Variants in SP140 observed in about 807,000 individuals in gnomAD.
SP140 encodes the protein SP140 nuclear body protein, also known as nuclear body protein SP140.
SP140 carries 81 observed loss-of-function variants against 125.0 expected under a neutral mutation model. The ratio of observed to expected loss-of-function variants is 0.65; its 90% CI spans 0.54 to 0.78. The LOEUF is 0.78. Among genes scored for constraint, SP140 ranks in the 30% least tolerant of loss-of-function variants. The pLI is 0.00. For synonymous variants in SP140, 312 were observed against 354.0 expected, an observed-to-expected ratio of 0.88 and a Z score of 1.33; for missense variants, 858 against 1,037.0, an observed-to-expected ratio of 0.83 and a Z score of 2.37.
At chr2:230,236,422 G>T (rs1193326996) in intron 1 of SP140, among the ~76,000 whole-genome samples, 6 of 152,172 alleles carry the variant, frequency 3.9e-5, no homozygotes, top group Non-Finnish European at 8.8e-5. Context: ...GAACCAATAG[G>T]ATGTGTATAT....
chr2:230,312,132 G>A lies in SP140; in HGVS notation c.2506-454G>A, dbSNP rs2860674. ...ACTGAAATAAGCAACCAAAGGCAAA[G>A]AAGTAATAATCCCAGCTGTGGAAAT... On this transcript the variant is annotated intron_variant, in intron 26 of 26. Coordinates refer to ENST00000392045, the MANE Select transcript of SP140 (RefSeq NM_007237.5). Among the ~76,000 whole-genome samples the A allele has an allele frequency of 1.4e-3, 208 of 152,312 alleles. 1 individual carries two copies. The highest frequency in any genetic ancestry group is 2.6e-3 in the Non-Finnish European group (177 of 68,010).
chr2:230,310,378 C>G (rs2059227304), intron 23 of SP140: 2 of 489,842 alleles, frequency 4.1e-6, no homozygotes, highest in Non-Finnish European at 7.4e-6. Flanking sequence ...TCATACAAGA[C>G]AGGAAGCACG....
intron 1 of SP140, chr2:230,209,784 G>A (rs1168824199): frequency 1.4e-6 from 1 of 702,140 alleles, no homozygotes; most frequent in East Asian, 2.5e-5. Flanking sequence ...TTTGGAAGAT[G>A]CAGCAAATGG....
At chr2:230,312,173 C>T (rs1339545286) in intron 26 of SP140, among the ~76,000 whole-genome samples, 2 of 152,192 alleles carry the variant, frequency 1.3e-5, no homozygotes, top group East Asian at 1.9e-4. Flanking sequence ...CACTTTTCTG[C>T]CCTGTTAATA....
chr2:230,235,601 T>C (rs1402401210), intron 1 of SP140, among the ~76,000 whole-genome samples: 1 of 152,196 alleles, frequency 6.6e-6, no homozygotes, highest in Non-Finnish European at 1.5e-5. Context: ...CCAATGACCA[T>C]TTCCTGGTGG....
At chr2:230,201,754 T>C (rs2043203631), upstream of SP140, among the ~76,000 whole-genome samples, 1 of 152,210 alleles carries the variant, frequency 6.6e-6, no homozygotes, top group Admixed American at 6.5e-5. Flanking sequence ...AATCTTGCAT[T>C]AGTAGAAGGT....
intron 22 of SP140, among the ~76,000 whole-genome samples, chr2:230,308,020 GACACAC>G (rs1211502170): frequency 9.1e-6 from 1 of 110,094 alleles, no homozygotes; most frequent in Admixed American, 9.1e-5. Flanking sequence ...CACACACAGA[GACACAC>G]ACACACACAC....
At chr2:230,236,184 A>G (rs1459230160) in intron 1 of SP140, among the ~76,000 whole-genome samples, 2 of 152,060 alleles carry the variant, frequency 1.3e-5, no homozygotes, top group Non-Finnish European at 2.9e-5. Flanking sequence ...CTTCTTGTGT[A>G]TTCTTAATCA....
chr2:230,266,317 T>C (rs2053119263), intron 12 of SP140, among the ~76,000 whole-genome samples: 1 of 152,226 alleles, frequency 6.6e-6, no homozygotes, highest in African/African-American at 2.4e-5. Context: ...TGTCCATTTT[T>C]GCCCAACTCA....
At chr2:230,287,754 G>T in intron 17 of SP140, 138 bp from the exon 18 acceptor site, 1 of 630,046 alleles carries the variant, frequency 1.6e-6, no homozygotes, top group East Asian at 3.0e-5. Flanking sequence ...TACCTTAAAG[G>T]CTAGGGTTTA....
chr2:230,284,316 A>C, intron 15 of SP140, 30 bp from the exon 16 acceptor site: 1 of 1,574,234 alleles, frequency 6.4e-7, no homozygotes, highest in South Asian at 1.1e-5. Context: ...ATACCTCTGC[A>C]TAATTAACTT....
intron 23 of SP140, chr2:230,310,273 C>A (rs572423241): frequency 1.2e-4 from 66 of 545,360 alleles, no homozygotes; most frequent in African/African-American, 9.8e-4. Context: ...GTGTTGGGGA[C>A]CTTTGCCTAC....
intron 12 of SP140, among the ~76,000 whole-genome samples, chr2:230,257,182 A>G (rs562386790): frequency 1.3e-5 from 2 of 152,230 alleles, no homozygotes; most frequent in South Asian, 2.1e-4. Flanking sequence ...CCAGGGTTCA[A>G]TGGAAAGAGA....
chr2:230,259,987 T>C (rs2149286680), intron 12 of SP140, among the ~76,000 whole-genome samples: 1 of 152,178 alleles, frequency 6.6e-6, no homozygotes, highest in East Asian at 1.9e-4. Context: ...CAAATGGTAG[T>C]TCTATTTTTA....
intron 21 of SP140, 50 bp from the exon 22 acceptor site, chr2:230,297,371 G>A (rs1406914801): frequency 1.3e-6 from 2 of 1,578,146 alleles, no homozygotes; most frequent in South Asian, 1.1e-5. Context: ...AGTGATAGAT[G>A]GAAACAATGC....
chr2:230,242,369 T>C (rs918685422), intron 4 of SP140, among the ~76,000 whole-genome samples: 1 of 152,226 alleles, frequency 6.6e-6, no homozygotes, highest in African/African-American at 2.4e-5. Flanking sequence ...TTACAAGGGT[T>C]TATTCCATTA....
In SP140 at chr2:230,312,639, T is replaced by C; in HGVS notation, c.2559T>C (p.Asn853=). ...GFRLEAEFEK[N]FKEVFAIQET... ...GACTGGAGGCTGAGTTTGAGAAGAA[T>C]TTCAAGGAAGTGTTTGCTATTCAGG... The change falls in exon 27 of 27, where the codon AAT becomes AAC. Residue 853 remains asparagine, a synonymous_variant. Coordinates refer to ENST00000392045, the MANE Select transcript of SP140 (RefSeq NM_007237.5). 2.5e-6 allele frequency: 4 copies of C among 1,613,156 alleles called. No individual in the cohort carries two copies. Among genetic ancestry groups the C allele is most frequent in the Non-Finnish European group, 2.5e-6 (3 of 1,179,340 alleles).
intron 3 of SP140, among the ~76,000 whole-genome samples, chr2:230,217,473 G>A (rs765718168): frequency 1.3e-5 from 2 of 152,080 alleles, no homozygotes; most frequent in Non-Finnish European, 1.5e-5. Context: ...ATCCCAAGGC[G>A]CTGCAGGTAA....
At chr2:230,196,309 T>C in the SP140 span, among the ~76,000 whole-genome samples, 1 of 152,100 alleles carries the variant, frequency 6.6e-6, no homozygotes, top group Non-Finnish European at 1.5e-5. Flanking sequence ...TGTCCACTAG[T>C]AGGTGATTAT....
Sources: allele counts gnomAD v4.1 joint callset (sites outside exome capture counted in the v4.1 genomes callset), GRCh38; gene constraint gnomAD v4.1.1; transcripts MANE v1.5; gene names NCBI Gene and HGNC (gene_info 2026-07-23, HGNC 2026-07-21).